Variants in MUC5AC observed in about 807,000 individuals in gnomAD.
The protein encoded by MUC5AC is mucin-5AC.
MUC5AC carries 158 observed loss-of-function variants against 169.7 expected under a neutral mutation model. That is an observed-to-expected ratio of 0.93 (90% CI 0.82 to 1.06). The LOEUF (loss-of-function observed/expected upper bound fraction) is 1.06. Ranked by LOEUF, MUC5AC falls within the 50% of genes least tolerant of loss-of-function variation. The pLI is 0.00. For synonymous variants in MUC5AC, 1,975 were observed against 1,237.0 expected, an observed-to-expected ratio of 1.60 and a Z score of -12.52; for missense variants, 4,359 against 3,089.9, an observed-to-expected ratio of 1.41 and a Z score of -9.74.
chr11:1,183,484 T>A lies in MUC5AC; in HGVS notation c.5339T>A (p.Ile1780Asn). 1 of 597,024 alleles carries A rather than the reference T, an allele frequency of 1.7e-6. No individual in the cohort carries two copies. Among genetic ancestry groups the A allele is most frequent in the Non-Finnish European group, 3.0e-6 (1 of 338,756 alleles). The allele number at this position is 597,024 out of a possible 1,614,324, so 37.0% of individuals were successfully genotyped here. The change falls in exon 31 of 49, where the codon ATC (isoleucine) becomes AAC (asparagine). Residue 1780 changes from isoleucine to asparagine, a missense_variant. Transcript: ENST00000621226. ...AACATCATCAGGAGTGGGGAAAAAATCTGCCGCCGACCTGAGGAGATCACC... is the reference window on the plus strand; with the variant it reads ...AACATCATCAGGAGTGGGGAAAAAAACTGCCGCCGACCTGAGGAGATCACC... ...YNNIIRSGEK[I>N]CRRPEEITRL... is the part of the protein sequence containing the mutation.
rs1860404046 is a variant in MUC5AC, at chr11:1,168,679, C to T, written c.1605C>T (p.Ile535=). 1.9e-6 allele frequency: 3 copies of T among 1,611,048 alleles called. No individual in the cohort carries two copies. Among genetic ancestry groups the T allele is most frequent in the Non-Finnish European group, 2.5e-6 (3 of 1,178,374 alleles). The change falls in exon 14 of 49, where the codon ATC becomes ATT. Residue 535 remains isoleucine (I), a synonymous_variant. Coordinates refer to ENST00000621226, the MANE Select transcript of MUC5AC (RefSeq NM_001304359.2). ...TCTTCAGACCCTCAACCTTCTTCATCATCGCCCAGACCAGCCTGGGCCTGC... is the reference window on the plus strand; with the variant it reads ...TCTTCAGACCCTCAACCTTCTTCATTATCGCCCAGACCAGCCTGGGCCTGC... ...VTIFRPSTFF[I]IAQTSLGLQL...
Position 1,181,306 on chromosome 11 carries a change from C to G in MUC5AC, c.3856C>G (p.Pro1286Ala), listed in dbSNP as rs1333057541. ...CACCTACAATGGACAGCGCTTCCAC[C>G]CAGGGGACGTCATCTACCACACGAC... ...VCTYNGQRFH[P>A]GDVIYHTTDG... The change falls in exon 30 of 49, where the codon CCA becomes GCA. Residue 1286 changes from proline to alanine, a missense_variant. By Grantham distance (27) the Pro-to-Ala change is conservative. Coordinates refer to ENST00000621226, the MANE Select transcript of MUC5AC (RefSeq NM_001304359.2). 2.8e-5 allele frequency: 11 copies of G among 398,586 alleles called. No homozygotes were observed. The highest frequency in any genetic ancestry group is 1.3e-3 in the Middle Eastern group (2 of 1,590). The allele number at this position is 398,586 out of a possible 1,614,324, so 24.7% of individuals were successfully genotyped here. A position where few individuals can be genotyped will look rare whatever the true frequency, so the allele number is the denominator to read the frequency against.
Position 1,174,592 on chromosome 11 carries a change from C to G in MUC5AC, c.2062C>G (p.Gln688Glu). Reference sequence around the variant, plus strand: ...GCACGCCTGTGCCGCCAAGGGCGTGCAGCTCGGCGGCTGGAGGGACGGCGT... The same window carrying G: ...GCACGCCTGTGCCGCCAAGGGCGTGGAGCTCGGCGGCTGGAGGGACGGCGT... ...YVHACAAKGV[Q>E]LGGWRDGVCT... The change falls in exon 17 of 49, where the codon CAG (glutamine) becomes GAG (glutamate). Residue 688 changes from glutamine to glutamate, a missense_variant. Gln to Glu is a conservative substitution (Grantham distance 29, BLOSUM62 2). Coordinates refer to ENST00000621226, the MANE Select transcript of MUC5AC (RefSeq NM_001304359.2). 7.0e-7 allele frequency: 1 copy of G among 1,427,224 alleles called. No homozygotes were observed. Among genetic ancestry groups the G allele is most frequent in the Non-Finnish European group, 9.6e-7 (1 of 1,044,430 alleles). 88.4% of individuals were successfully genotyped at this position (1,427,224 alleles called of 1,614,324 possible). A position where few individuals can be genotyped will look rare whatever the true frequency, so the allele number is the denominator to read the frequency against.
Position 1,183,265 on chromosome 11 carries a change from C to T in MUC5AC, c.5120C>T (p.Thr1707Ile). The change falls in exon 31 of 49, where the codon ACA (threonine) becomes ATA (isoleucine). Residue 1707 changes from threonine (T) to isoleucine (I), a missense_variant. Transcript: ENST00000621226. The stretch of plus-strand genomic sequence containing the variant: ...GCTCAGACCCAGACCACCTTCACCA[C>T]ACACATGCCCTCGGCCTCCACAGAG... ...TGAQTQTTFT[T>I]HMPSASTEQP... 2.5e-6 allele frequency: 1 copy of T among 404,176 alleles called. No individual in the cohort carries two copies. The highest frequency in any genetic ancestry group is 4.1e-6 in the Non-Finnish European group (1 of 242,506). 25.0% of individuals were successfully genotyped at this position (404,176 alleles called of 1,614,324 possible).
chr11:1,187,737 T>C lies in MUC5AC; in HGVS notation c.9592T>C (p.Ser3198Pro). The C allele has an allele frequency of 2.6e-6, 2 of 764,982 alleles. No individual in the cohort carries two copies. The highest frequency in any genetic ancestry group is 2.4e-6 in the Non-Finnish European group (1 of 417,818). 47.4% of individuals were successfully genotyped at this position (764,982 alleles called of 1,614,324 possible). The change falls in exon 31 of 49, where the codon TCT (serine) becomes CCT (proline). Residue 3198 changes from serine to proline, a missense_variant. Coordinates refer to ENST00000621226, the MANE Select transcript of MUC5AC (RefSeq NM_001304359.2). ...PSPVPTTSTA[S>P]VSKTSTSHVS... is the part of the protein sequence containing the mutation. ...CCCCGTTCCCACCACCAGCACAGCC[T>C]CTGTTTCAAAGACCAGCACAAGCCA...
rs1168756125 is a variant in MUC5AC at position 1,192,940 on chromosome 11, C to T, written c.14538C>T (p.Pro4846=). The change falls in exon 32 of 49, where the codon CCC becomes CCT. Residue 4846 remains proline, a synonymous_variant. Coordinates refer to ENST00000621226, the MANE Select transcript of MUC5AC (RefSeq NM_001304359.2). ...ATSPSISTSE[P]VTELGCPNAV... ...CCCCTTCAATATCCACCTCCGAGCC[C>T]GTCACTGAGCTGGGATGCCCAAATG... The T allele has an allele frequency of 1.1e-5, 8 of 750,680 alleles. No individual in the cohort carries two copies. Among genetic ancestry groups the T allele is most frequent in the Admixed American group, 5.3e-5 (3 of 56,608 alleles). The allele number at this position is 750,680 out of a possible 1,614,324, so 46.5% of individuals were successfully genotyped here. A position where few individuals can be genotyped will look rare whatever the true frequency, so the allele number is the denominator to read the frequency against.
At chr11:1,199,310 G>A (rs547063564) in intron 45 of MUC5AC, 61 bp from the exon 46 acceptor site, 26 of 699,630 alleles carry the variant, frequency 3.7e-5, no homozygotes, top group Admixed American at 1.0e-4. Flanking sequence ...ACGGGCTGGG[G>A]TGCAGACAGA....
At chr11:1,180,825 C>T (rs1409249594) in intron 28 of MUC5AC, among the ~76,000 whole-genome samples, 2 of 152,066 alleles carry the variant, frequency 1.3e-5, no homozygotes, top group Non-Finnish European at 2.9e-5. Context: ...AGATGGAGCC[C>T]TAGGGTCCCC....
chr11:1,165,538 G>A lies in MUC5AC; in HGVS notation c.1248-84G>A, dbSNP rs1590135349. The stretch of plus-strand genomic sequence containing the variant: ...GCTACGGTGTAGGCAGGCCTGGGGT[G>A]AGACCCGGTCAGCCTCCTGACGCGG... On this transcript the variant is annotated intron_variant, in intron 10 of 48. Transcript: ENST00000621226. 6.3e-6 allele frequency: 10 copies of A among 1,591,476 alleles called. No homozygotes were observed. In the East Asian group the frequency reaches 1.8e-4, roughly 29 times the overall value.
chr11:1,170,099 TCACTCACC>T (rs1185757520), intron 15 of MUC5AC, among the ~76,000 whole-genome samples: 2 of 108,038 alleles, frequency 1.9e-5, no homozygotes, highest in African/African-American at 3.7e-5. Context: ...CTCACCTCAC[TCACTCACC>T]CACTCACCCA....
rs1564911317 is a variant in MUC5AC, at chr11:1,175,841, T to TCACACCCACTTATGCAACA, written c.2402-305_2402-304insCCACTTATGCAACACACAC. ...ACCACACCCACTCATGCACACGCAC[T>TCACACCCACTTATGCAACA]CACACACCCACTTATGGACACGCTC... is the stretch of plus-strand genomic sequence containing the variant. On this transcript the variant is annotated intron_variant, in intron 19 of 48. Coordinates refer to ENST00000621226, the MANE Select transcript of MUC5AC (RefSeq NM_001304359.2). 3.6e-3 allele frequency among the ~76,000 whole-genome samples: 24 copies of TCACACCCACTTATGCAACA among 6,594 alleles called. 1 individual carries two copies. Among genetic ancestry groups the TCACACCCACTTATGCAACA allele is most frequent in the African/African-American group, 5.3e-3 (15 of 2,852 alleles). 4.3% of individuals were successfully genotyped at this position (6,594 alleles called of 152,430 possible).
In MUC5AC at chr11:1,163,948, A is replaced by G. The variant is rs1011501519; in HGVS notation, c.746A>G (p.Gln249Arg). Residue 249 changes from glutamine to arginine, a missense_variant, in exon 7 of 49, where the codon CAG becomes CGG. Physicochemically the swap from Gln to Arg is conservative, Grantham distance 43 (BLOSUM62 1). Coordinates refer to ENST00000621226, the MANE Select transcript of MUC5AC (RefSeq NM_001304359.2). ...ATGGACGACCCCACGGACCAGTGTC[A>G]GGACCCTGTCCCTGAACCCCCGAGG... ...QKMDDPTDQC[Q>R]DPVPEPPRNC... 2.0e-5 allele frequency: 32 copies of G among 1,611,230 alleles called. 1 individual carries two copies. The highest frequency in any genetic ancestry group is 1.0e-4 in the Admixed American group (6 of 59,830).
At chr11:1,162,769 C>T (rs1206107234) in intron 5 of MUC5AC, 123 bp downstream of exon 5, 1 of 1,032,736 alleles carries the variant, frequency 9.7e-7, no homozygotes, top group Non-Finnish European at 1.5e-6. Context: ...CTCCACCCCA[C>T]ACAGCAGGCA....
rs371506371 is a variant in MUC5AC at position 1,193,570 on chromosome 11, C to T, written c.14666C>T (p.Pro4889Leu). 9.5e-5 allele frequency: 73 copies of T among 764,836 alleles called. No individual in the cohort carries two copies. The highest frequency in any genetic ancestry group is 4.9e-4 in the African/African-American group (29 of 59,278). The allele number at this position is 764,836 out of a possible 1,614,324, so 47.4% of individuals were successfully genotyped here. The change falls in exon 33 of 49, where the codon CCG becomes CTG. Residue 4889 changes from proline to leucine, a missense_variant. By Grantham distance (98) the Pro-to-Leu change is moderately conservative. Transcript: ENST00000621226. ...NVISLRPRTC[P>L]RVEKPTCANG... Reference sequence around the variant, plus strand: ...ATCTCCCTGCGCCCGCGCACGTGCCCGAGGGTGGAGAAGCCCACTTGTGCC... The same window carrying T: ...ATCTCCCTGCGCCCGCGCACGTGCCTGAGGGTGGAGAAGCCCACTTGTGCC...
intron 33 of MUC5AC, among the ~76,000 whole-genome samples, 184 bp from the exon 34 acceptor site, chr11:1,193,926 G>A (rs991317896): frequency 2.0e-5 from 3 of 152,232 alleles, no homozygotes; most frequent in Non-Finnish European, 2.9e-5. Flanking sequence ...CTTGTCAAGC[G>A]CCCGCTGGAT....
At chr11:1,161,700 GT>G in intron 3 of MUC5AC, 114 bp downstream of exon 3, 2 of 1,325,316 alleles carry the variant, frequency 1.5e-6, no homozygotes. Flanking sequence ...TGAACACTGG[GT>G]GGGTATTGGA....
At position 1,165,661 on chromosome 11, in the gene MUC5AC, A is replaced by G; in HGVS notation, c.1287A>G (p.Pro429=). Residue 429 remains proline (P), a synonymous_variant, in exon 11 of 49, where the codon CCA becomes CCG. Coordinates refer to ENST00000621226, the MANE Select transcript of MUC5AC (RefSeq NM_001304359.2). ...GCCGGTGGAGCTGCCAGGAGGTTCC[A>G]TGCCCGGGTACCTGCTCTGTGCTTG... ...SGGRWSCQEV[P]CPGTCSVLGG... is the part of the protein sequence containing the mutation. The G allele has an allele frequency of 6.2e-7, 1 of 1,612,460 alleles. No individual in the cohort carries two copies. Among genetic ancestry groups the G allele is most frequent in the South Asian group, 1.1e-5 (1 of 91,086 alleles).
chr11:1,185,997 A>T lies in MUC5AC; in HGVS notation c.7852A>T (p.Ser2618Cys). The change falls in exon 31 of 49, where the codon AGC becomes TGC. Residue 2618 changes from serine to cysteine, a missense_variant. Ser to Cys is a moderately radical substitution (Grantham distance 112). Coordinates refer to ENST00000621226, the MANE Select transcript of MUC5AC (RefSeq NM_001304359.2). ...PTTSTNSAPI[S>C]STTSATTTSR... ...AACCAGCACAAACTCTGCCCCTATA[A>T]GCAGCACAACCTCTGCCACTACAAC... 1.4e-6 allele frequency: 1 copy of T among 729,102 alleles called. No individual in the cohort carries two copies. The highest frequency in any genetic ancestry group is 2.5e-6 in the Non-Finnish European group (1 of 399,550). The allele number at this position is 729,102 out of a possible 1,614,324, so 45.2% of individuals were successfully genotyped here. A position where few individuals can be genotyped will look rare whatever the true frequency, so the allele number is the denominator to read the frequency against.
chr11:1,196,302 C>T (rs1381311379), intron 37 of MUC5AC, 86 bp from the exon 38 acceptor site: 16 of 734,786 alleles, frequency 2.2e-5, no homozygotes, highest in South Asian at 1.3e-4. Flanking sequence ...CGGGCAGCTC[C>T]GGAGCAGATG....
Sources: gnomAD v4.1 joint callset for allele counts (sites outside exome capture counted in the v4.1 genomes callset) on GRCh38, gnomAD v4.1.1 for gene constraint, MANE v1.5 for transcripts, NCBI Gene and HGNC (gene_info 2026-07-23, HGNC 2026-07-21) for gene names.